Variants in THBS4 observed in about 807,000 individuals in gnomAD.
THBS4 encodes thrombospondin 4.
Under a neutral mutation model 115.7 loss-of-function variants are expected in THBS4, and 90 were observed. That is an observed-to-expected ratio of 0.78 (90% CI 0.66 to 0.93). The LOEUF is 0.93. THBS4 is among the 40% of genes least tolerant of loss of function. The pLI, the probability that THBS4 is intolerant of heterozygous loss-of-function variation, is 0.00. For missense variants in THBS4, 1,087 were observed against 1,232.7 expected (o/e 0.88, Z 1.77); for synonymous variants, 460 against 479.3 (o/e 0.96, Z 0.53).
chr5:80,007,847 G>A (rs981817866), intron 2 of THBS4, among the ~76,000 whole-genome samples: 2 of 152,206 alleles, frequency 1.3e-5, no homozygotes, highest in African/African-American at 4.8e-5. Flanking sequence ...TGGATGGCAT[G>A]TTGGATTTTA....
At chr5:80,032,660 A>G (rs759418929), upstream of THBS4, among the ~76,000 whole-genome samples, 1 of 152,216 alleles carries the variant, frequency 6.6e-6, no homozygotes, top group Non-Finnish European at 1.5e-5. Flanking sequence ...TTGGAGTCTA[A>G]TGTTTGCGGG....
chr5:80,078,339 T>C lies in THBS4; in HGVS notation c.2265+112T>C, dbSNP rs1010243146. 24 of 884,950 alleles carry C rather than the reference T, an allele frequency of 2.7e-5. No individual in the cohort carries two copies. The African/African-American group carries it at 3.9e-4, about 15-fold the overall frequency. 54.8% of individuals were successfully genotyped at this position (884,950 alleles called of 1,614,324 possible). ...GACAATAAGCCAGGCATTCTTCACATTCGCTCTTATTCCTCAACAGCCCTA... is the reference window on the plus strand; with the variant it reads ...GACAATAAGCCAGGCATTCTTCACACTCGCTCTTATTCCTCAACAGCCCTA... On this transcript the variant is annotated intron_variant, in intron 17 of 21. Transcript: ENST00000350881.
At chr5:80,041,279 C>T (rs1245556737) in intron 2 of THBS4, among the ~76,000 whole-genome samples, 1 of 152,162 alleles carries the variant, frequency 6.6e-6, no homozygotes, top group Non-Finnish European at 1.5e-5. Flanking sequence ...TCACTATTCC[C>T]ATCATGAGGG....
At chr5:80,066,313 G>A (rs1833823693) in intron 9 of THBS4, 1 of 152,160 alleles carries the variant, frequency 6.6e-6, no homozygotes, top group Admixed American at 6.5e-5. Flanking sequence ...CCAGCCTCTA[G>A]GTTCCTTGTT....
chr5:80,029,123 A>G (rs538682619), intron 2 of THBS4, among the ~76,000 whole-genome samples: 4 of 152,314 alleles, frequency 2.6e-5, no homozygotes, highest in South Asian at 2.1e-4. Flanking sequence ...AAATCAAACT[A>G]TCCAAAATTC....
At chr5:80,001,927 T>C (rs1489241614) in intron 2 of THBS4, among the ~76,000 whole-genome samples, 2 of 152,174 alleles carry the variant, frequency 1.3e-5, no homozygotes, top group African/African-American at 4.8e-5. Context: ...ATTTACTTCA[T>C]AGACATTCTT....
chr5:80,032,126 T>A (rs1435085965), upstream of THBS4, among the ~76,000 whole-genome samples: 1 of 152,154 alleles, frequency 6.6e-6, no homozygotes, highest in African/African-American at 2.4e-5. Context: ...TAATAAGAAG[T>A]GGCATGGAAA....
intron 2 of THBS4, among the ~76,000 whole-genome samples, chr5:80,048,387 A>G (rs903151236): frequency 6.6e-6 from 1 of 152,172 alleles, no homozygotes; most frequent in African/African-American, 2.4e-5. Context: ...GTGAAGTGAG[A>G]TATTAAGCTG....
chr5:80,073,800 T>G (rs1743043362), intron 15 of THBS4, among the ~76,000 whole-genome samples: 3 of 152,132 alleles, frequency 2.0e-5, no homozygotes, highest in African/African-American at 2.4e-5. Context: ...ACCATGAAAA[T>G]TCTCCCTGAA....
chr5:80,000,335 G>A (rs769924867), intron 2 of THBS4, among the ~76,000 whole-genome samples: 15 of 152,136 alleles, frequency 9.9e-5, no homozygotes, highest in Admixed American at 2.6e-4. Flanking sequence ...AGTTTCAAAT[G>A]TCTCAAAGTT....
At chr5:80,061,280 G>T (rs1264169151) in intron 7 of THBS4, among the ~76,000 whole-genome samples, 1 of 152,176 alleles carries the variant, frequency 6.6e-6, no homozygotes, top group Admixed American at 6.5e-5. Context: ...CACCGGCCCT[G>T]GCTTTGCCTT....
intron 2 of THBS4, among the ~76,000 whole-genome samples, chr5:80,015,523 G>A (rs114438517): frequency 0.013 from 1,985 of 152,320 alleles, 49 homozygotes; most frequent in African/African-American, 0.046. Context: ...ATAAGTCCAT[G>A]TTCTGGTGCC....
rs769003225 is a variant in THBS4 at position 80,077,066 on chromosome 5, A to C, written c.2086+18A>C. The C allele has an allele frequency of 8.9e-6, 14 of 1,566,320 alleles. No homozygotes were observed. Among genetic ancestry groups the C allele is most frequent in the South Asian group, 2.4e-5 (2 of 82,986 alleles). On this transcript the variant is annotated intron_variant, in intron 16 of 21. Transcript: ENST00000350881. The stretch of plus-strand genomic sequence containing the variant: ...TAGCAACAGTAAGCAGGCTCAGCCC[A>C]GAGCTGCACAGCACCCCTGGGCTCC...
chr5:80,007,320 A>G (rs1832037991), intron 2 of THBS4, among the ~76,000 whole-genome samples: 1 of 152,154 alleles, frequency 6.6e-6, no homozygotes, highest in Non-Finnish European at 1.5e-5. Flanking sequence ...ATTTTTTCCA[A>G]CTCTGATATT....
intron 2 of THBS4, chr5:80,052,333 G>T (rs534131523): frequency 8.5e-5 from 13 of 152,118 alleles, no homozygotes; most frequent in African/African-American, 2.9e-4. Context: ...GGGTACATGT[G>T]AATTCTCAAC....
intron 1 of THBS4, among the ~76,000 whole-genome samples, chr5:79,993,739 C>A (rs1831735395): frequency 6.6e-6 from 1 of 152,160 alleles, no homozygotes; most frequent in Admixed American, 6.5e-5. Flanking sequence ...AGCCACAGTG[C>A]AAGGTTTGTT....
At chr5:80,010,411 A>T (rs1013035528) in intron 2 of THBS4, among the ~76,000 whole-genome samples, 1 of 152,256 alleles carries the variant, frequency 6.6e-6, no homozygotes, top group Admixed American at 6.5e-5. Context: ...AGTTTGATCC[A>T]TGAAGCCATC....
chr5:80,077,449 G>A (rs141460083), intron 16 of THBS4, among the ~76,000 whole-genome samples: 3 of 152,296 alleles, frequency 2.0e-5, no homozygotes, highest in Non-Finnish European at 2.9e-5. Context: ...TATATGCTGG[G>A]TTCACAAACA....
intron 7 of THBS4, among the ~76,000 whole-genome samples, chr5:80,060,451 G>A (rs1833593540): frequency 6.6e-6 from 1 of 152,212 alleles, no homozygotes; most frequent in African/African-American, 2.4e-5. Context: ...AGCCCCAGAA[G>A]AGACTGTTTC....
Sources: gnomAD v4.1 joint callset for allele counts (sites outside exome capture counted in the v4.1 genomes callset) on GRCh38, gnomAD v4.1.1 for gene constraint, MANE v1.5 for transcripts, NCBI Gene and HGNC (gene_info 2026-07-23, HGNC 2026-07-21) for gene names.